Variants in RNGTT observed in about 807,000 individuals in gnomAD.
RNGTT encodes the protein mRNA-capping enzyme.
In RNGTT, 33 loss-of-function variants were observed where a neutral mutation model predicts 79.3. The ratio of observed to expected loss-of-function variants is 0.42; its 90% CI spans 0.32 to 0.56. The LOEUF (loss-of-function observed/expected upper bound fraction) is 0.56. RNGTT is among the 20% of genes least tolerant of loss of function. The pLI is 0.17. For missense variants in RNGTT, 497 were observed against 739.1 expected (o/e 0.67, Z 3.80); for synonymous variants, 222 against 235.9 (o/e 0.94, Z 0.54).
chr6:88,643,279 T>G (rs1326439863), intron 14 of RNGTT, among the ~76,000 whole-genome samples: 2 of 152,122 alleles, frequency 1.3e-5, no homozygotes, highest in Non-Finnish European at 2.9e-5. Context: ...ATGTCTCATA[T>G]AGTTTACTGA....
At chr6:88,655,748 C>T (rs1773953617) in intron 14 of RNGTT, among the ~76,000 whole-genome samples, 1 of 152,178 alleles carries the variant, frequency 6.6e-6, no homozygotes, top group South Asian at 2.1e-4. Flanking sequence ...CTCAGCCTTA[C>T]AGCCACTCAC....
At chr6:88,865,005 G>A (rs1314215788) in intron 8 of RNGTT, among the ~76,000 whole-genome samples, 2 of 152,074 alleles carry the variant, frequency 1.3e-5, no homozygotes, top group Non-Finnish European at 2.9e-5. Context: ...GAAGATAGAT[G>A]TTGGTGACAG....
At chr6:88,914,559 G>A (rs551453379) in intron 4 of RNGTT, among the ~76,000 whole-genome samples, 1 of 152,028 alleles carries the variant, frequency 6.6e-6, no homozygotes, top group East Asian at 1.9e-4. Context: ...ATTCGATAAA[G>A]TGTGCTAGGA....
intron 11 of RNGTT, among the ~76,000 whole-genome samples, chr6:88,804,103 C>T (rs1036482514): frequency 6.6e-6 from 1 of 152,156 alleles, no homozygotes; most frequent in South Asian, 2.1e-4. Context: ...TACATAACTC[C>T]TCATGAGATG....
chr6:88,901,493 ATCTTT>A (rs924330340), intron 6 of RNGTT, among the ~76,000 whole-genome samples: 13 of 97,646 alleles, frequency 1.3e-4, no homozygotes, highest in African/African-American at 4.5e-4. Context: ...AAGCACCCTG[ATCTTT>A]TTTTTTTTTT....
At chr6:88,791,592 T>G (rs943931755) in intron 12 of RNGTT, among the ~76,000 whole-genome samples, 2 of 152,132 alleles carry the variant, frequency 1.3e-5, no homozygotes, top group Non-Finnish European at 2.9e-5. Flanking sequence ...CAGGCTGGAG[T>G]GCAGTGGCAC....
intron 4 of RNGTT, among the ~76,000 whole-genome samples, chr6:88,912,808 T>C (rs1783869725): frequency 6.6e-6 from 1 of 152,082 alleles, no homozygotes; most frequent in African/African-American, 2.4e-5. Flanking sequence ...AATAAATTCC[T>C]GGAAACACAC....
At chr6:88,881,610 T>C (rs953759696) in intron 8 of RNGTT, among the ~76,000 whole-genome samples, 1 of 152,170 alleles carries the variant, frequency 6.6e-6, no homozygotes, top group African/African-American at 2.4e-5. Flanking sequence ...TGAATTTCAA[T>C]GTGAGACAGA....
At chr6:88,726,066 G>A (rs1776892279) in intron 13 of RNGTT, among the ~76,000 whole-genome samples, 1 of 152,076 alleles carries the variant, frequency 6.6e-6, no homozygotes, top group Non-Finnish European at 1.5e-5. Context: ...AAGTAGTAAA[G>A]AGAAAAGAGT....
At chr6:88,859,018 A>G (rs1781923801) in intron 8 of RNGTT, among the ~76,000 whole-genome samples, 1 of 151,520 alleles carries the variant, frequency 6.6e-6, no homozygotes, top group Non-Finnish European at 1.5e-5. Context: ...CTGAGACAGG[A>G]TCTCACTCTG....
intron 14 of RNGTT, among the ~76,000 whole-genome samples, chr6:88,672,952 T>C (rs976747300): frequency 2.6e-5 from 4 of 152,240 alleles, no homozygotes; most frequent in African/African-American, 7.2e-5. Flanking sequence ...ACAGTACAGA[T>C]GTACAGATAC....
intron 8 of RNGTT, among the ~76,000 whole-genome samples, chr6:88,871,901 T>TC (rs1326139174): frequency 9.2e-5 from 14 of 151,526 alleles, no homozygotes; most frequent in Non-Finnish European, 1.5e-4. Context: ...AAAAGACCAT[T>TC]CCCCCCCATA....
intron 13 of RNGTT, among the ~76,000 whole-genome samples, chr6:88,747,788 T>C (rs548701150): frequency 6.6e-6 from 1 of 152,298 alleles, no homozygotes; most frequent in Non-Finnish European, 1.5e-5. Flanking sequence ...TCTGTTTCCC[T>C]TTCCTATGGA....
chr6:88,778,817 G>A (rs545584377), intron 12 of RNGTT, among the ~76,000 whole-genome samples: 8 of 152,112 alleles, frequency 5.3e-5, no homozygotes, highest in Non-Finnish European at 8.8e-5. Context: ...ACTGTGCCAC[G>A]TGTAAGAAAA....
At chr6:88,666,795 C>T (rs1459228640) in intron 14 of RNGTT, among the ~76,000 whole-genome samples, 5 of 152,124 alleles carry the variant, frequency 3.3e-5, no homozygotes, top group Admixed American at 2.0e-4. Context: ...GAAGCCAAAT[C>T]GCTGCCTCAG....
chr6:88,758,924 A>C (rs989506489), intron 13 of RNGTT, among the ~76,000 whole-genome samples: 1 of 152,074 alleles, frequency 6.6e-6, no homozygotes, highest in Non-Finnish European at 1.5e-5. Flanking sequence ...ACATGTGCAC[A>C]ATGTGCAGGT....
chr6:88,843,841 C>A (rs1388818290), intron 11 of RNGTT, among the ~76,000 whole-genome samples: 1 of 150,840 alleles, frequency 6.6e-6, no homozygotes, highest in Non-Finnish European at 1.5e-5. Flanking sequence ...CAGGCATGAG[C>A]CACCGAGCCT....
At chr6:88,739,730 TATATATATATATATATATATA>T (rs1777410317) in intron 13 of RNGTT, among the ~76,000 whole-genome samples, 5 of 12,522 alleles carry the variant, frequency 4.0e-4, no homozygotes, top group African/African-American at 1.2e-3. Context: ...AAAAATTATA[TATATATATATATATATATATA>T]TATATATATA....
At chr6:88,906,013 G>A (rs1339874104) in intron 5 of RNGTT, among the ~76,000 whole-genome samples, 2 of 152,164 alleles carry the variant, frequency 1.3e-5, no homozygotes, top group African/African-American at 4.8e-5. Flanking sequence ...AGGCATGGGT[G>A]GCACATACTT....
Sources: allele counts gnomAD v4.1 joint callset (sites outside exome capture counted in the v4.1 genomes callset), GRCh38; gene constraint gnomAD v4.1.1; transcripts MANE v1.5; gene names NCBI Gene and HGNC (gene_info 2026-07-23, HGNC 2026-07-21).